Variants in LY86 observed in about 807,000 individuals in gnomAD.
LY86 encodes the protein lymphocyte antigen 86, also known as MD-1, RP105-associated.
In LY86, 20 loss-of-function variants were observed where a neutral mutation model predicts 17.3. The ratio of observed to expected loss-of-function variants is 1.15; its 90% CI spans 0.81 to 1.68. The LOEUF (loss-of-function observed/expected upper bound fraction) is 1.68. LY86 is among the 40% of genes most tolerant of loss of function. LY86 has a pLI of 0.00. For synonymous variants in LY86, 74 were observed against 70.6 expected (o/e 1.05, Z -0.24); for missense variants, 200 against 191.9 (o/e 1.04, Z -0.25).
chr6:6,606,663 C>T (rs1761165199), intron 1 of LY86, among the ~76,000 whole-genome samples: 1 of 152,236 alleles, frequency 6.6e-6, no homozygotes, highest in Non-Finnish European at 1.5e-5. Flanking sequence ...ACAGCAGCTA[C>T]TGGCCCAGGT....
At chr6:6,616,953 C>T (rs926872845) in intron 1 of LY86, among the ~76,000 whole-genome samples, 8 of 152,320 alleles carry the variant, frequency 5.3e-5, no homozygotes, top group Non-Finnish European at 7.4e-5. Context: ...TCATGGTTCC[C>T]GCTGTCCCTA....
chr6:6,649,322 A>T (rs1762152564), intron 3 of LY86, among the ~76,000 whole-genome samples: 1 of 152,224 alleles, frequency 6.6e-6, no homozygotes, highest in Non-Finnish European at 1.5e-5. Context: ...TCAAGATGAG[A>T]TTTGAGTGGG....
intron 3 of LY86, among the ~76,000 whole-genome samples, chr6:6,627,528 T>C (rs1761813659): frequency 6.6e-6 from 1 of 152,188 alleles, no homozygotes; most frequent in African/African-American, 2.4e-5. Context: ...GCGTTTGCCA[T>C]GTTGGACTGT....
chr6:6,650,866 A>G (rs548446842), intron 4 of LY86, among the ~76,000 whole-genome samples: 1 of 150,630 alleles, frequency 6.6e-6, no homozygotes, highest in African/African-American at 2.4e-5. Context: ...TTCTCTTTAT[A>G]CTCTCCCTCT....
intron 1 of LY86, among the ~76,000 whole-genome samples, chr6:6,596,733 A>C (rs1760725877): frequency 6.6e-6 from 1 of 152,220 alleles, no homozygotes; most frequent in Non-Finnish European, 1.5e-5. Context: ...CGCTGCCAGA[A>C]GGGAAGCAAG....
intron 1 of LY86, among the ~76,000 whole-genome samples, chr6:6,592,156 C>T (rs1389301478): frequency 6.6e-6 from 1 of 152,202 alleles, no homozygotes; most frequent in African/African-American, 2.4e-5. Flanking sequence ...TTTCCGCAGT[C>T]TTGATAACCT....
At chr6:6,639,628 C>A (rs12206199) in intron 3 of LY86, among the ~76,000 whole-genome samples, 4 of 151,958 alleles carry the variant, frequency 2.6e-5, no homozygotes, top group African/African-American at 9.7e-5. Context: ...TCCATCTCCA[C>A]CTGGCCTTCT....
intron 3 of LY86, among the ~76,000 whole-genome samples, chr6:6,647,131 A>G (rs1243922879): frequency 6.6e-6 from 1 of 152,140 alleles, no homozygotes; most frequent in Non-Finnish European, 1.5e-5. Flanking sequence ...GCCCATCTAC[A>G]AACGTATCTA....
intron 1 of LY86, among the ~76,000 whole-genome samples, chr6:6,604,646 G>A (rs936090957): frequency 1.3e-5 from 2 of 152,088 alleles, no homozygotes; most frequent in Non-Finnish European, 2.9e-5. Flanking sequence ...AACTGCAAAA[G>A]ACATGCATTT....
chr6:6,633,281 G>T lies in LY86; in HGVS notation c.352+6860G>T, dbSNP rs77430862. Among the ~76,000 whole-genome samples, 1,376 of 152,336 alleles carry T rather than the reference G, an allele frequency of 9.0e-3. 23 individuals carry two copies. Among genetic ancestry groups the T allele is most frequent in the African/African-American group, 0.031 (1,277 of 41,570 alleles). On this transcript the variant is annotated intron_variant, in intron 3 of 4. Coordinates refer to ENST00000230568, the MANE Select transcript of LY86 (RefSeq NM_004271.4). ...ATATATTGTGTAGGGCCGTGGAGACGTGAGGTTCTCAACTGGAAGTGAACC... is the reference window on the plus strand; with the variant it reads ...ATATATTGTGTAGGGCCGTGGAGACTTGAGGTTCTCAACTGGAAGTGAACC...
At chr6:6,646,061 C>T (rs915572313) in intron 3 of LY86, among the ~76,000 whole-genome samples, 3 of 152,086 alleles carry the variant, frequency 2.0e-5, no homozygotes, top group African/African-American at 7.2e-5. Flanking sequence ...TGAACCACTG[C>T]AGTGCATATC....
chr6:6,652,135 A>C (rs1441754798), intron 4 of LY86, among the ~76,000 whole-genome samples: 1 of 151,506 alleles, frequency 6.6e-6, no homozygotes, highest in Non-Finnish European at 1.5e-5. Context: ...CCTACAGTGC[A>C]TGAAGGAAGT....
chr6:6,589,085 A>G (rs5743647), intron 1 of LY86, among the ~76,000 whole-genome samples: 3,441 of 152,288 alleles, frequency 0.023, 128 homozygotes, highest in African/African-American at 0.078. Context: ...TGGCAGAACA[A>G]CAAAGAGTAC....
intron 2 of LY86, among the ~76,000 whole-genome samples, 161 bp downstream of exon 2, chr6:6,625,173 T>C (rs1581247257): frequency 6.6e-6 from 1 of 152,210 alleles, no homozygotes; most frequent in Non-Finnish European, 1.5e-5. Flanking sequence ...CAAATCTTTC[T>C]CTGGGTTATA....
chr6:6,610,010 C>T (rs1438692666), intron 1 of LY86, among the ~76,000 whole-genome samples: 1 of 152,156 alleles, frequency 6.6e-6, no homozygotes, highest in Non-Finnish European at 1.5e-5. Context: ...TGGTCGTGAA[C>T]TCCTGGGCTC....
At chr6:6,622,214 C>T (rs1168219598) in intron 1 of LY86, among the ~76,000 whole-genome samples, 3 of 152,164 alleles carry the variant, frequency 2.0e-5, no homozygotes, top group East Asian at 1.9e-4. Context: ...GTTTCTAGTA[C>T]CAAGAAAATG....
chr6:6,634,009 A>G (rs1761930515), intron 3 of LY86, among the ~76,000 whole-genome samples: 1 of 152,224 alleles, frequency 6.6e-6, no homozygotes, highest in Non-Finnish European at 1.5e-5. Context: ...TAATTCAACC[A>G]ATGAAAACCT....
intron 3 of LY86, among the ~76,000 whole-genome samples, chr6:6,629,104 C>T (rs1454901823): frequency 1.3e-5 from 2 of 152,224 alleles, no homozygotes; most frequent in Non-Finnish European, 2.9e-5. Flanking sequence ...GAAGGTTGGA[C>T]AGCTCTGCAG....
chr6:6,603,628 A>C (rs1279140391), intron 1 of LY86, among the ~76,000 whole-genome samples: 13 of 133,610 alleles, frequency 9.7e-5, no homozygotes, highest in African/African-American at 2.8e-4. Context: ...ACAAAAAAAA[A>C]CAAAACACAC....
Sources: allele counts gnomAD v4.1 joint callset (sites outside exome capture counted in the v4.1 genomes callset), GRCh38; gene constraint gnomAD v4.1.1; transcripts MANE v1.5; gene names NCBI Gene and HGNC (gene_info 2026-07-23, HGNC 2026-07-21).